EZH1: variants seen among roughly 807,000 people sequenced by gnomAD.
EZH1 encodes enhancer of zeste 1 polycomb repressive complex 2 subunit, also known as histone-lysine N-methyltransferase EZH1.
EZH1 carries 33 observed loss-of-function variants against 100.5 expected under a neutral mutation model. The ratio of observed to expected loss-of-function variants is 0.33; its 90% CI spans 0.25 to 0.44. The LOEUF is 0.44. EZH1 is among the 20% of genes least tolerant of loss of function. The pLI is 1.00. For missense variants in EZH1, 475 were observed against 928.4 expected, an observed-to-expected ratio of 0.51 and a Z score of 6.35; for synonymous variants, 272 against 313.8, an observed-to-expected ratio of 0.87 and a Z score of 1.41.
At chr17:42,716,990 G>A (rs1021458595) in intron 10 of EZH1, among the ~76,000 whole-genome samples, 14 of 152,076 alleles carry the variant, frequency 9.2e-5, no homozygotes, top group African/African-American at 3.4e-4. Flanking sequence ...GCACTACGAC[G>A]CCTGGCTGAA....
At chr17:42,723,680 C>T (rs2053762239) in intron 5 of EZH1, among the ~76,000 whole-genome samples, 1 of 152,002 alleles carries the variant, frequency 6.6e-6, no homozygotes. Flanking sequence ...TCTAAAATCC[C>T]CAAGTAGCAA....
At chr17:42,722,301 A>G (rs528907827) in intron 6 of EZH1, among the ~76,000 whole-genome samples, 22 of 150,426 alleles carry the variant, frequency 1.5e-4, no homozygotes, top group African/African-American at 5.1e-4. Flanking sequence ...TGGGTGACTG[A>G]GTGAGTCCCT....
chr17:42,743,167 C>T (rs1404423295), intron 1 of EZH1, among the ~76,000 whole-genome samples: 2 of 146,790 alleles, frequency 1.4e-5, no homozygotes, highest in Non-Finnish European at 3.0e-5. Flanking sequence ...CTGTGCCAGG[C>T]CTCCTTTTTT....
Position 42,708,087 on chromosome 17 carries a change from G to C in EZH1, c.1535-4C>G. The stretch of plus-strand genomic sequence containing the variant: ...TACACTTGTGTGGAAGAGTTATCTA[G>C]GAAAGAAAACAGAGGAGGATGCTGC... On this transcript the variant is annotated splice_polypyrimidine_tract_variant and splice_region_variant and intron_variant, in intron 14 of 20. Transcript: ENST00000428826. 1 of 1,599,368 alleles carries C rather than the reference G, an allele frequency of 6.3e-7. No individual in the cohort carries two copies. The highest frequency in any genetic ancestry group is 8.5e-7 in the Non-Finnish European group (1 of 1,173,278).
intron 1 of EZH1, among the ~76,000 whole-genome samples, chr17:42,741,778 T>G (rs2054180719): frequency 6.6e-6 from 1 of 152,094 alleles, no homozygotes; most frequent in Non-Finnish European, 1.5e-5. Flanking sequence ...AACCTCTGCC[T>G]CCTGGGCTCA....
chr17:42,718,169 T>C lies in EZH1; in HGVS notation c.932-102A>G, dbSNP rs2053641494. ...AGCTATTGTAGGAGTTAGAATTCGA[T>C]ATAAACGGCTACCATCAGGGTGCAC... is the stretch of plus-strand genomic sequence containing the variant. On this transcript the variant is annotated intron_variant, in intron 9 of 20. Coordinates refer to ENST00000428826, the MANE Select transcript of EZH1 (RefSeq NM_001991.5). This position sits in a 1 kb window ranked among gnomAD's most constrained non-coding sequence, Gnocchi z 4.2. 3 of 1,070,056 alleles carry C rather than the reference T, an allele frequency of 2.8e-6. No individual in the cohort carries two copies. The highest frequency in any genetic ancestry group is 2.8e-6 in the Non-Finnish European group (2 of 721,678). 66.3% of individuals were successfully genotyped at this position (1,070,056 alleles called of 1,614,324 possible). A position where few individuals can be genotyped will look rare whatever the true frequency, so the allele number is the denominator to read the frequency against.
intron 4 of EZH1, among the ~76,000 whole-genome samples, chr17:42,725,414 A>G (rs113128311): frequency 0.053 from 7,957 of 151,274 alleles, 302 homozygotes; most frequent in Admixed American, 0.1. Context: ...GATTACAGGC[A>G]TGTGCTACTA....
intron 10 of EZH1, among the ~76,000 whole-genome samples, chr17:42,715,044 TATTA>T (rs1173766641): frequency 7.1e-6 from 1 of 139,996 alleles, no homozygotes; most frequent in African/African-American, 2.6e-5. Context: ...ATAATTTATA[TATTA>T]TATATGTATT....
chr17:42,731,738 A>C (rs924880408), intron 1 of EZH1: 1 of 147,094 alleles, frequency 6.8e-6, no homozygotes, highest in Admixed American at 6.8e-5. Context: ...AAAAAATACA[A>C]AAAAAAAAAA....
intron 10 of EZH1, among the ~76,000 whole-genome samples, chr17:42,714,952 T>C (rs2143768670): frequency 7.2e-6 from 1 of 138,018 alleles, no homozygotes; most frequent in African/African-American, 2.7e-5. Flanking sequence ...TATATTTATA[T>C]AATATATAAA....
intron 15 of EZH1, among the ~76,000 whole-genome samples, chr17:42,707,606 G>A (rs1458945247): frequency 1.3e-5 from 2 of 151,970 alleles, no homozygotes; most frequent in African/African-American, 2.4e-5. Flanking sequence ...AGTTGGCCAC[G>A]CTGGTCTTGA....
intron 1 of EZH1, among the ~76,000 whole-genome samples, chr17:42,733,461 G>C (rs2053996599): frequency 6.6e-6 from 1 of 151,820 alleles, no homozygotes; most frequent in South Asian, 2.1e-4. Context: ...CTAACATGGT[G>C]AAACCCCGTC....
At position 42,722,750 on chromosome 17, in the gene EZH1, G is replaced by T. The variant is rs778592574; in HGVS notation, c.487+45C>A. 7.5e-6 allele frequency: 12 copies of T among 1,596,164 alleles called. No individual in the cohort carries two copies. The East Asian group carries it at 2.5e-4, about 33-fold the overall frequency. ...AAGATGATGAGGTACCAAAGAAGAGGCCTGATTCTAACAAAATTTTCTCCA... is the reference window on the plus strand; with the variant it reads ...AAGATGATGAGGTACCAAAGAAGAGTCCTGATTCTAACAAAATTTTCTCCA... On this transcript the variant is annotated intron_variant, in intron 6 of 20. Coordinates refer to ENST00000428826, the MANE Select transcript of EZH1 (RefSeq NM_001991.5).
chr17:42,743,011 A>G (rs1176996567), intron 1 of EZH1, among the ~76,000 whole-genome samples: 1 of 151,686 alleles, frequency 6.6e-6, no homozygotes, highest in African/African-American at 2.4e-5. Flanking sequence ...CTGGGATTAC[A>G]GGCACCCACC....
intron 12 of EZH1, among the ~76,000 whole-genome samples, chr17:42,710,625 G>GTTTTTTTTTTTTT (rs1347789208): frequency 8.3e-6 from 1 of 121,182 alleles, no homozygotes. Flanking sequence ...TTCTGTTTTT[G>GTTTTTTTTTTTTT]TTTGTTTTTT....
intron 10 of EZH1, among the ~76,000 whole-genome samples, chr17:42,715,175 TAA>T (rs1214767500): frequency 2.9e-5 from 4 of 139,852 alleles, no homozygotes; most frequent in African/African-American, 1.0e-4. Flanking sequence ...TATTTATATA[TAA>T]TATATATCAT....
intron 10 of EZH1, among the ~76,000 whole-genome samples, chr17:42,716,707 T>C (rs1480463142): frequency 6.7e-6 from 1 of 150,152 alleles, no homozygotes; most frequent in African/African-American, 2.4e-5. Context: ...TTTATTATTA[T>C]TTTTTTTTTG....
rs924994594 is a variant in EZH1 at position 42,705,197 on chromosome 17, G to T, written c.1840-14C>A. On this transcript the variant is annotated splice_polypyrimidine_tract_variant and intron_variant, in intron 16 of 20. Transcript: ENST00000428826. ...CAGCAGCAGGTGCTGGGGAAGAGGG[G>T]GCCAAGTCTCAGACTACAGGGTGTG... The T allele has an allele frequency of 2.5e-6, 4 of 1,598,506 alleles. No individual in the cohort carries two copies. In the African/African-American group the frequency reaches 4.0e-5, roughly 16 times the overall value.
intron 20 of EZH1, 76 bp downstream of exon 20, chr17:42,702,801 A>G (rs2053270439): frequency 1.3e-6 from 2 of 1,509,042 alleles, no homozygotes; most frequent in Non-Finnish European, 1.8e-6. Context: ...ACCCTCCCTG[A>G]GCCCCCAAAT....
Sources: gnomAD v4.1 joint callset for allele counts (sites outside exome capture counted in the v4.1 genomes callset) on GRCh38, gnomAD v4.1.1 for gene constraint, Gnocchi (gnomAD v3.1) non-coding constraint, MANE v1.5 for transcripts, NCBI Gene and HGNC (gene_info 2026-07-23, HGNC 2026-07-21) for gene names.